Variants in SLC30A8 observed in about 807,000 individuals in gnomAD.
SLC30A8 encodes proton-coupled zinc antiporter SLC30A8.
SLC30A8 carries 27 observed loss-of-function variants against 36.9 expected under a neutral mutation model. That is an observed-to-expected ratio of 0.73 (90% CI 0.54 to 1.01). The LOEUF (loss-of-function observed/expected upper bound fraction) is 1.01, where lower values mean the gene tolerates loss of function less well. SLC30A8 is among the 50% of genes least tolerant of loss of function. The probability of loss-of-function intolerance (pLI) is 0.00; values close to 1 mark genes in which losing one functional copy is unlikely to be tolerated. For missense variants in SLC30A8, 439 were observed against 452.0 expected, an observed-to-expected ratio of 0.97 and a Z score of 0.26; for synonymous variants, 164 against 172.4, an observed-to-expected ratio of 0.95 and a Z score of 0.38.
At chr8:117,042,632 T>C (rs1200560613) in intron 2 of SLC30A8, among the ~76,000 whole-genome samples, 1 of 152,000 alleles carries the variant, frequency 6.6e-6, no homozygotes, top group Non-Finnish European at 1.5e-5. Flanking sequence ...AGACTTGGAA[T>C]AGGCTAAATA....
intron 1 of SLC30A8, among the ~76,000 whole-genome samples, chr8:116,968,594 A>C (rs1814679168): frequency 6.6e-6 from 1 of 151,760 alleles, no homozygotes; most frequent in Non-Finnish European, 1.5e-5. Context: ...CTGCCATTAG[A>C]GGGAAAGGAA....
At chr8:116,994,109 T>C (rs1409525514) in intron 1 of SLC30A8, among the ~76,000 whole-genome samples, 1 of 151,830 alleles carries the variant, frequency 6.6e-6, no homozygotes, top group Non-Finnish European at 1.5e-5. Flanking sequence ...GGTGAATTTT[T>C]CCAAAATTTT....
At chr8:117,138,060 C>CAAAAAAAAAA (rs60065374) in intron 1 of SLC30A8, among the ~76,000 whole-genome samples, 1 of 49,938 alleles carries the variant, frequency 2.0e-5, no homozygotes, top group African/African-American at 7.0e-5. Flanking sequence ...TTCATTGTAG[C>CAAAAAAAAAA]AAAAAAAAAA....
At chr8:116,955,751 CAAAA>C (rs1476964867) in intron 1 of SLC30A8, among the ~76,000 whole-genome samples, 1 of 150,764 alleles carries the variant, frequency 6.6e-6, no homozygotes, top group Admixed American at 6.6e-5. Context: ...AAAAAGAAAA[CAAAA>C]AGACAGAGAT....
intron 6 of SLC30A8, among the ~76,000 whole-genome samples, chr8:117,166,095 T>C (rs1823042915): frequency 6.6e-6 from 1 of 152,188 alleles, no homozygotes; most frequent in African/African-American, 2.4e-5. Flanking sequence ...TTAACAATAA[T>C]ATATAGTTCC....
intron 2 of SLC30A8, among the ~76,000 whole-genome samples, chr8:117,108,373 T>A (rs1020229613): frequency 2.0e-5 from 3 of 152,162 alleles, no homozygotes; most frequent in African/African-American, 7.2e-5. Flanking sequence ...GGCCATAACA[T>A]TTCTCATATG....
intron 1 of SLC30A8, among the ~76,000 whole-genome samples, chr8:116,994,856 G>A (rs551259190): frequency 2.0e-5 from 3 of 152,186 alleles, no homozygotes; most frequent in South Asian, 2.1e-4. Context: ...TGACTTGTGT[G>A]TATGTTTTAG....
intron 2 of SLC30A8, among the ~76,000 whole-genome samples, chr8:117,083,089 T>C (rs1818729362): frequency 6.6e-6 from 1 of 152,148 alleles, no homozygotes; most frequent in African/African-American, 2.4e-5. Flanking sequence ...CCTTCCCAAA[T>C]ATTCCATTTA....
At chr8:117,003,387 A>C (rs1254757694) in intron 1 of SLC30A8, among the ~76,000 whole-genome samples, 2 of 152,214 alleles carry the variant, frequency 1.3e-5, no homozygotes, top group Admixed American at 1.3e-4. Flanking sequence ...ATACTAGCTT[A>C]CTGAGTGTGT....
intron 2 of SLC30A8, among the ~76,000 whole-genome samples, chr8:117,150,232 A>AAAT (rs1822113783): frequency 6.6e-6 from 1 of 152,096 alleles, no homozygotes; most frequent in Non-Finnish European, 1.5e-5. Flanking sequence ...AAGAATTTAA[A>AAAT]AATATGTTAA....
chr8:117,103,494 A>T (rs191702936), intron 2 of SLC30A8, among the ~76,000 whole-genome samples: 7 of 138,250 alleles, frequency 5.1e-5, no homozygotes, highest in Non-Finnish European at 7.8e-5. Context: ...TGTTTGTTTG[A>T]GACAGGGTCT....
intron 2 of SLC30A8, among the ~76,000 whole-genome samples, chr8:117,147,929 C>T (rs1461146232): frequency 3.9e-5 from 6 of 151,972 alleles, no homozygotes; most frequent in Admixed American, 3.3e-4. Flanking sequence ...TGCATTTTCT[C>T]CTTGTCTCTT....
chr8:117,141,672 T>C (rs1200200348), intron 1 of SLC30A8, among the ~76,000 whole-genome samples: 1 of 152,160 alleles, frequency 6.6e-6, no homozygotes, highest in African/African-American at 2.4e-5. Context: ...TGTACCAATG[T>C]GCAGTCTTTT....
At position 117,098,269 on chromosome 8, in the gene SLC30A8, G is replaced by C. The variant is rs188489161; in HGVS notation, c.-225-37011G>C. Among the ~76,000 whole-genome samples, 469 of 151,502 alleles carry C rather than the reference G, an allele frequency of 3.1e-3. 5 individuals carry two copies. The highest frequency in any genetic ancestry group is 0.011 in the African/African-American group (434 of 41,256). On this transcript the variant is annotated intron_variant, in intron 2 of 10. Coordinates refer to the SLC30A8 transcript ENST00000427715. ...GCTTGGTAGGATGAGGGTTTCTCTG[G>C]TTATTTCAATAGTGTATCATACATA...
chr8:117,141,368 C>A (rs1216887617), intron 1 of SLC30A8, among the ~76,000 whole-genome samples: 1 of 152,060 alleles, frequency 6.6e-6, no homozygotes, highest in Non-Finnish European at 1.5e-5. Flanking sequence ...AATTTAACAT[C>A]TGAAATACAA....
At chr8:117,169,736 G>A (rs948383037) in intron 6 of SLC30A8, among the ~76,000 whole-genome samples, 1 of 152,048 alleles carries the variant, frequency 6.6e-6, no homozygotes, top group Non-Finnish European at 1.5e-5. Flanking sequence ...CACGTCACAT[G>A]ATGGGAATGG....
intron 1 of SLC30A8, among the ~76,000 whole-genome samples, chr8:117,011,231 C>G (rs1297801672): frequency 1.3e-5 from 2 of 152,136 alleles, no homozygotes; most frequent in Non-Finnish European, 2.9e-5. Context: ...GAAACCAGAT[C>G]CTCCCCTGGA....
At chr8:117,055,845 C>G (rs1395637567) in intron 2 of SLC30A8, 1 of 151,580 alleles carries the variant, frequency 6.6e-6, no homozygotes, top group Non-Finnish European at 1.5e-5. Flanking sequence ...TAGCTGGAGT[C>G]AAGAAAAAGA....
At chr8:117,126,806 G>A (rs1353432074) in intron 2 of SLC30A8, among the ~76,000 whole-genome samples, 1 of 152,004 alleles carries the variant, frequency 6.6e-6, no homozygotes, top group Non-Finnish European at 1.5e-5. Flanking sequence ...GTGTGGAAAG[G>A]AAAAACTCGA....
Sources: allele counts gnomAD v4.1 joint callset (sites outside exome capture counted in the v4.1 genomes callset), GRCh38; gene constraint gnomAD v4.1.1; transcripts MANE v1.5; gene names NCBI Gene and HGNC (gene_info 2026-07-23, HGNC 2026-07-21).